VSTM4: variants seen among roughly 807,000 people sequenced by gnomAD.
VSTM4 encodes V-set and transmembrane domain containing 4.
In VSTM4, 20 loss-of-function variants were observed where a neutral mutation model predicts 36.4. That is an observed-to-expected ratio of 0.55 (90% CI 0.39 to 0.80). The LOEUF (loss-of-function observed/expected upper bound fraction) is 0.80, where lower values mean the gene tolerates loss of function less well. VSTM4 is among the 30% of genes least tolerant of loss of function. VSTM4 has a pLI of 0.00. For synonymous variants in VSTM4, 182 were observed against 173.9 expected (o/e 1.05, Z -0.37); for missense variants, 392 against 404.5 (o/e 0.97, Z 0.26).
intron 3 of VSTM4, among the ~76,000 whole-genome samples, chr10:49,081,574 G>A (rs1224020588): frequency 6.6e-6 from 1 of 152,228 alleles, no homozygotes; most frequent in African/African-American, 2.4e-5. Flanking sequence ...CTCTGCCCAG[G>A]CAGGAGGTCA....
rs529775877 is a variant in VSTM4, at chr10:49,076,437, C to T, written c.634+782G>A. Among the ~76,000 whole-genome samples the T allele has an allele frequency of 3.7e-4, 56 of 152,248 alleles. 1 individual carries two copies. Among genetic ancestry groups the T allele is most frequent in the African/African-American group, 1.2e-3 (51 of 41,548 alleles). On this transcript the variant is annotated intron_variant, in intron 4 of 7. Transcript: ENST00000332853. ...CTGTAAGTAAGGGAGCCACTGGAAC[C>T]GGAGTCGGTCCATTTCCAGAGCTCG...
chr10:49,100,112 G>A (rs1844641645), intron 2 of VSTM4, among the ~76,000 whole-genome samples: 1 of 152,168 alleles, frequency 6.6e-6, no homozygotes, highest in Non-Finnish European at 1.5e-5. Flanking sequence ...TTTTTTGATA[G>A]GTTAACCAGT....
At chr10:49,105,841 G>GTATATATATATATATATATCTTGTGTGTA (rs34327380) in intron 2 of VSTM4, among the ~76,000 whole-genome samples, 53 of 149,452 alleles carry the variant, frequency 3.5e-4, no homozygotes, top group African/African-American at 1.3e-3. Flanking sequence ...ATGTGTGTGT[G>GTATATATATATATATATATCTTGTGTGTA]TATATATATA....
chr10:49,109,707 G>A (rs918424794), intron 1 of VSTM4, among the ~76,000 whole-genome samples: 2 of 152,292 alleles, frequency 1.3e-5, no homozygotes, highest in Non-Finnish European at 2.9e-5. Flanking sequence ...TGGACTCTCC[G>A]CTGGATGGGT....
chr10:49,038,892 T>C (rs1303154132), intron 7 of VSTM4, among the ~76,000 whole-genome samples: 4 of 151,582 alleles, frequency 2.6e-5, no homozygotes, highest in Non-Finnish European at 5.9e-5. Context: ...TCTAGGACAG[T>C]GGAGGAGGGG....
intron 4 of VSTM4, among the ~76,000 whole-genome samples, chr10:49,068,085 T>G (rs943343566): frequency 2.6e-5 from 4 of 152,192 alleles, no homozygotes; most frequent in African/African-American, 9.7e-5. Flanking sequence ...TAATCAAATA[T>G]TTTTTATCCG....
At position 49,068,721 on chromosome 10, in the gene VSTM4, A is replaced by G. The variant is rs549593844; in HGVS notation, c.635-3985T>C. On this transcript the variant is annotated intron_variant, in intron 4 of 7. Coordinates refer to ENST00000332853, the MANE Select transcript of VSTM4 (RefSeq NM_001031746.5). ...CCAAGAAGCAGAAATCCTAAGAAAA[A>G]GATTCAAGTGTCAAGAGTTTATGTG... Among the ~76,000 whole-genome samples the G allele has an allele frequency of 1.7e-4, 26 of 152,296 alleles. No individual in the cohort carries two copies. The South Asian group carries it at 5.0e-3, about 29-fold the overall frequency.
intron 2 of VSTM4, chr10:49,103,989 CTCA>C (rs1251753441): frequency 1.4e-6 from 1 of 732,666 alleles, no homozygotes; most frequent in Non-Finnish European, 2.2e-6. Context: ...CACAGAACTT[CTCA>C]TCCTTGTTGT....
At chr10:49,099,999 G>C (rs1336233928) in intron 2 of VSTM4, among the ~76,000 whole-genome samples, 1 of 152,054 alleles carries the variant, frequency 6.6e-6, no homozygotes, top group East Asian at 1.9e-4. Context: ...CTGGGAGACA[G>C]AGCCAGACTC....
intron 7 of VSTM4, among the ~76,000 whole-genome samples, chr10:49,023,895 C>A (rs146576547): frequency 6.6e-6 from 1 of 152,138 alleles, no homozygotes; most frequent in Non-Finnish European, 1.5e-5. Context: ...ACTGTAAATT[C>A]CATTGAAAGC....
At chr10:49,056,743 T>C (rs2131969637) in intron 5 of VSTM4, among the ~76,000 whole-genome samples, 1 of 152,350 alleles carries the variant, frequency 6.6e-6, no homozygotes, top group South Asian at 2.1e-4. Flanking sequence ...CCTAGTTAAG[T>C]GAGCTGCAAG....
intron 5 of VSTM4, among the ~76,000 whole-genome samples, chr10:49,049,754 TC>T (rs2131961738): frequency 1.8e-5 from 1 of 56,400 alleles, no homozygotes; most frequent in Non-Finnish European, 7.9e-5. Context: ...TATACTGACT[TC>T]TTTTTTTTTT....
chr10:49,020,587 A>G (rs1368011243), intron 7 of VSTM4, among the ~76,000 whole-genome samples: 4 of 152,096 alleles, frequency 2.6e-5, no homozygotes, highest in Non-Finnish European at 5.9e-5. Context: ...TGCTGAATAT[A>G]CTGAAAAAAC....
At chr10:49,100,859 T>G (rs1844653784) in intron 2 of VSTM4, among the ~76,000 whole-genome samples, 1 of 152,168 alleles carries the variant, frequency 6.6e-6, no homozygotes, top group South Asian at 2.1e-4. Context: ...GCTATATTGG[T>G]GAAGTGTACA....
chr10:49,090,153 A>C (rs865978615), intron 2 of VSTM4, among the ~76,000 whole-genome samples: 6 of 152,376 alleles, frequency 3.9e-5, no homozygotes, highest in African/African-American at 1.4e-4. Flanking sequence ...TGTGGAAATA[A>C]AATGCAAATC....
rs114474021 is a variant in VSTM4, at chr10:49,034,589, A to C, written c.837+12394T>G. The stretch of plus-strand genomic sequence containing the variant: ...TTAGAATTGATTCTGGCTAGGAAAA[A>C]AAATCTCCTTAAATGCACCATAAGT... On this transcript the variant is annotated intron_variant, in intron 7 of 7. Transcript: ENST00000332853. Among the ~76,000 whole-genome samples the C allele has an allele frequency of 1.9e-3, 291 of 152,370 alleles. 3 individuals carry two copies. Among genetic ancestry groups the C allele is most frequent in the African/African-American group, 6.8e-3 (281 of 41,586 alleles).
chr10:49,079,808 GA>G (rs34501606), intron 3 of VSTM4, among the ~76,000 whole-genome samples: 41,602 of 151,652 alleles, frequency 0.27, 5,887 homozygotes, highest in Admixed American at 0.35. Context: ...AAAATGTATA[GA>G]AAAAAAAGCC....
At chr10:49,056,931 C>T (rs1327541092) in intron 5 of VSTM4, among the ~76,000 whole-genome samples, 2 of 152,072 alleles carry the variant, frequency 1.3e-5, no homozygotes, top group African/African-American at 4.8e-5. Flanking sequence ...GCTTCTGGGC[C>T]TCTGGTGAGG....
intron 1 of VSTM4, among the ~76,000 whole-genome samples, chr10:49,113,351 C>T (rs1448254237): frequency 1.3e-5 from 2 of 152,214 alleles, no homozygotes; most frequent in South Asian, 2.1e-4. Flanking sequence ...TCACATTAGC[C>T]TATCACCTGA....
Sources: gnomAD v4.1 joint callset for allele counts (sites outside exome capture counted in the v4.1 genomes callset) on GRCh38, gnomAD v4.1.1 for gene constraint, MANE v1.5 for transcripts, NCBI Gene and HGNC (gene_info 2026-07-23, HGNC 2026-07-21) for gene names.